XDH: variants seen among roughly 807,000 people sequenced by gnomAD.
XDH encodes the protein xanthine dehydrogenase/oxidase.
In XDH, 138 loss-of-function variants were observed where a neutral mutation model predicts 156.1. The observed-to-expected ratio is 0.88, with a 90% confidence interval of 0.77 to 1.02. The LOEUF is 1.02. XDH is among the 50% of genes least tolerant of loss of function. XDH has a pLI of 0.00. For synonymous variants in XDH, 669 were observed against 625.7 expected, an observed-to-expected ratio of 1.07 and a Z score of -1.03; for missense variants, 1,849 against 1,684.9, an observed-to-expected ratio of 1.10 and a Z score of -1.71.
intron 33 of XDH, among the ~76,000 whole-genome samples, chr2:31,341,004 T>G (rs1042049083): frequency 6.6e-6 from 1 of 152,170 alleles, no homozygotes; most frequent in Non-Finnish European, 1.5e-5. Context: ...GATCCCAAAC[T>G]CAATCCCCAT....
At chr2:31,345,510 G>A (rs571443216) in intron 30 of XDH, among the ~76,000 whole-genome samples, 1 of 152,224 alleles carries the variant, frequency 6.6e-6, no homozygotes, top group South Asian at 2.1e-4. Context: ...GCCACCAAAC[G>A]ATTTACTGTG....
rs759323377 is a variant in XDH, at chr2:31,377,210, C to A, written c.1270G>T (p.Ala424Ser). The A allele has an allele frequency of 6.2e-7, 1 of 1,614,100 alleles. No homozygotes were observed. Among genetic ancestry groups the A allele is most frequent in the East Asian group, 2.2e-5 (1 of 44,856 alleles). The change falls in exon 14 of 36, where the codon GCC (alanine) becomes TCC (serine). Residue 424 changes from alanine to serine, a missense_variant. Physicochemically the swap from Ala to Ser is moderately conservative, Grantham distance 99. Coordinates refer to ENST00000379416, the MANE Select transcript of XDH (RefSeq NM_000379.4). ...GCAATGTCATCTTCTCTCCGGGAGG[C>A]CTGCTTGAATGCTGAGAAATACTCC... ...EGEYFSAFKQASRREDDIAKV... is the reference protein window; with the variant it reads ...EGEYFSAFKQSSRREDDIAKV...
At chr2:31,366,524 G>A (rs540558621) in intron 21 of XDH, among the ~76,000 whole-genome samples, 2 of 152,288 alleles carry the variant, frequency 1.3e-5, no homozygotes, top group East Asian at 3.9e-4. Context: ...TTTTACATAT[G>A]AGGAAACTGA....
At position 31,349,734 on chromosome 2, in the gene XDH, G is replaced by A; in HGVS notation, c.2921C>T (p.Ala974Val). The A allele has an allele frequency of 3.1e-6, 5 of 1,614,176 alleles. No individual in the cohort carries two copies. The South Asian group carries it at 5.5e-5, about 18-fold the overall frequency. The change falls in exon 26 of 36, where the codon GCA (alanine) becomes GTA (valine). Residue 974 changes from alanine (A) to valine (V), a missense_variant. By Grantham distance (64) the Ala-to-Val change is moderately conservative (BLOSUM62 0). Coordinates refer to ENST00000379416, the MANE Select transcript of XDH (RefSeq NM_000379.4). ...TLPRCWEECLASSQYHARKSE... is the reference protein window; with the variant it reads ...TLPRCWEECLVSSQYHARKSE... ...CTTCCGAGCATGATACTGAGAGCTT[G>A]CTAGGCATTCTTCCCAGCATCTGGG...
chr2:31,387,434 T>G (rs1264737050), intron 8 of XDH, among the ~76,000 whole-genome samples: 1 of 152,142 alleles, frequency 6.6e-6, no homozygotes, highest in South Asian at 2.1e-4. Flanking sequence ...GGATTGCTTA[T>G]AGAGGGAATA....
At chr2:31,349,879 TG>T in intron 25 of XDH, 48 bp from the exon 26 acceptor site, 1 of 1,612,602 alleles carries the variant, frequency 6.2e-7, no homozygotes, top group East Asian at 2.2e-5. Context: ...CAAGAGACTG[TG>T]GGGGCAGGGC....
intron 5 of XDH, 102 bp downstream of exon 5, chr2:31,398,471 C>G: frequency 6.3e-7 from 1 of 1,595,330 alleles, no homozygotes; most frequent in South Asian, 1.1e-5. Context: ...AGCCCTTCCT[C>G]CAAAGGGTAG....
intron 12 of XDH, among the ~76,000 whole-genome samples, chr2:31,381,077 C>T (rs753381863): frequency 6.6e-6 from 1 of 150,834 alleles, no homozygotes; most frequent in Non-Finnish European, 1.5e-5. Context: ...CTCACTGCAA[C>T]CTCCGCTTCC....
chr2:31,371,368 T>G (rs1175303504), intron 17 of XDH, among the ~76,000 whole-genome samples: 1 of 152,240 alleles, frequency 6.6e-6, no homozygotes, highest in Non-Finnish European at 1.5e-5. Flanking sequence ...TTAGGTAGTT[T>G]TTCCAAAGTC....
At chr2:31,343,314 A>ATATATATATATATGCATGTT (rs1553411691) in intron 31 of XDH, among the ~76,000 whole-genome samples, 22 of 129,766 alleles carry the variant, frequency 1.7e-4, no homozygotes, top group Non-Finnish European at 2.9e-4. Context: ...ATATATATAT[A>ATATATATATATATGCATGTT]TATATATATA....
Position 31,405,908 on chromosome 2 carries a change from C to G in XDH, c.99G>C (p.Lys33Asn). Residue 33 changes from lysine (K) to asparagine (N), a missense_variant and splice_region_variant, in exon 2 of 36, where the codon AAG becomes AAC. Transcript: ENST00000379416. ...ETTLLAYLRR[K>N]LGLSGTKLGC... ...ACTCCCACTCCAAAGTCAGGATACA[C>G]TTTCTTCTCAGGTAGGCCAAAAGGG... The G allele has an allele frequency of 1.2e-5, 20 of 1,614,202 alleles. No individual in the cohort carries two copies. The highest frequency in any genetic ancestry group is 1.7e-5 in the Non-Finnish European group (20 of 1,180,016).
intron 30 of XDH, among the ~76,000 whole-genome samples, chr2:31,345,050 C>T (rs1685244837): frequency 6.6e-6 from 1 of 152,152 alleles, no homozygotes; most frequent in Non-Finnish European, 1.5e-5. Context: ...CTTTCCACGG[C>T]TCCTTATTGC....
In XDH at chr2:31,335,678, C is replaced by T. The variant is rs1475429565; in HGVS notation, c.*280G>A. ...AGTGGGGAATAGCACAAACCCTTCCCGACCCTATTCCAGATACATGATTAA... is the reference window on the plus strand; with the variant it reads ...AGTGGGGAATAGCACAAACCCTTCCTGACCCTATTCCAGATACATGATTAA... On this transcript the variant is annotated 3_prime_UTR_variant, in exon 36 of 36. Transcript: ENST00000379416. 5 of 536,978 alleles carry T rather than the reference C, an allele frequency of 9.3e-6. No individual in the cohort carries two copies. Among genetic ancestry groups the T allele is most frequent in the African/African-American group, 3.8e-5 (2 of 52,506 alleles). 33.3% of individuals were successfully genotyped at this position (536,978 alleles called of 1,614,324 possible).
At chr2:31,408,391 T>C (rs900433873) in intron 1 of XDH, among the ~76,000 whole-genome samples, 1 of 152,320 alleles carries the variant, frequency 6.6e-6, no homozygotes, top group African/African-American at 2.4e-5. Flanking sequence ...GTGCACTCCA[T>C]TGAACACTCT....
At chr2:31,409,482 T>G (rs1687284811) in intron 1 of XDH, among the ~76,000 whole-genome samples, 1 of 152,228 alleles carries the variant, frequency 6.6e-6, no homozygotes, top group Non-Finnish European at 1.5e-5. Context: ...TCTTTTCTTC[T>G]GGTTTTTATG....
intron 32 of XDH, among the ~76,000 whole-genome samples, 189 bp from the exon 33 acceptor site, chr2:31,341,583 G>A (rs938991945): frequency 5.9e-5 from 9 of 152,112 alleles, no homozygotes; most frequent in Non-Finnish European, 8.8e-5. Context: ...CATCCCCGCT[G>A]GAGTCTGAGT....
rs146994573 is a variant in XDH at position 31,350,221 on chromosome 2, A to G, written c.2634T>C (p.Ile878=). The change falls in exon 25 of 36, where the codon ATT becomes ATC. Residue 878 remains isoleucine (I), a splice_region_variant and synonymous_variant. Coordinates refer to ENST00000379416, the MANE Select transcript of XDH (RefSeq NM_000379.4). ...CCATGTGGAATAAAGCTCGTTCCAT[A>G]ATCTGAAGCAGAGGAAACAAAAATG... is the stretch of plus-strand genomic sequence containing the variant. ...VGNTQDLSQS[I]MERALFHMDN... 4,524 of 1,614,150 alleles carry G rather than the reference A, an allele frequency of 2.8e-3. 11 individuals are homozygous for G. The highest frequency in any genetic ancestry group is 3.7e-3 in the South Asian group (333 of 91,074).
chr2:31,363,726 A>G (rs1423171268), intron 24 of XDH, among the ~76,000 whole-genome samples: 1 of 152,212 alleles, frequency 6.6e-6, no homozygotes, highest in Non-Finnish European at 1.5e-5. Flanking sequence ...TCTCAATACC[A>G]TTCCAATCGT....
intron 33 of XDH, 93 bp downstream of exon 33, chr2:31,341,236 C>T (rs1685115353): frequency 1.6e-6 from 2 of 1,282,834 alleles, no homozygotes; most frequent in Admixed American, 2.0e-5. Flanking sequence ...TGAAGACAAC[C>T]TTGGACAACA....
Sources: gnomAD v4.1 joint callset for allele counts (sites outside exome capture counted in the v4.1 genomes callset) on GRCh38, gnomAD v4.1.1 for gene constraint, MANE v1.5 for transcripts, NCBI Gene and HGNC (gene_info 2026-07-23, HGNC 2026-07-21) for gene names.